PIGK: variants seen among roughly 807,000 people sequenced by gnomAD.
PIGK encodes the protein phosphatidylinositol glycan anchor biosynthesis class K.
A neutral mutation model predicts 50.6 loss-of-function variants in PIGK; 42 were observed. The observed-to-expected ratio is 0.83, with a 90% CI of 0.65 to 1.07. The LOEUF is 1.07. Ranked by LOEUF, PIGK falls within the 50% of genes least tolerant of loss-of-function variation. The pLI, the probability that PIGK is intolerant of heterozygous loss-of-function variation, is 0.00. For missense variants in PIGK, 448 were observed against 488.7 expected, an observed-to-expected ratio of 0.92 and a Z score of 0.78; for synonymous variants, 151 against 156.0, an observed-to-expected ratio of 0.97 and a Z score of 0.24.
At chr1:77,141,708 T>C (rs1654653502) in intron 9 of PIGK, among the ~76,000 whole-genome samples, 3 of 152,260 alleles carry the variant, frequency 2.0e-5, no homozygotes, top group Non-Finnish European at 2.9e-5. Context: ...AATTTATCTA[T>C]AACATCTGTA....
At chr1:77,115,590 A>G (rs540536808) in intron 10 of PIGK, among the ~76,000 whole-genome samples, 3 of 152,310 alleles carry the variant, frequency 2.0e-5, no homozygotes, top group Non-Finnish European at 4.4e-5. Context: ...ACTCCCAAAG[A>G]GCAACAACGG....
At chr1:77,215,295 C>T (rs1397937706) in intron 1 of PIGK, among the ~76,000 whole-genome samples, 1 of 152,006 alleles carries the variant, frequency 6.6e-6, no homozygotes, top group South Asian at 2.1e-4. Flanking sequence ...AAAAGACATA[C>T]AAATGGCCCA....
At chr1:77,205,904 A>G (rs1487666111) in intron 3 of PIGK, among the ~76,000 whole-genome samples, 7 of 152,168 alleles carry the variant, frequency 4.6e-5, no homozygotes, top group African/African-American at 1.7e-4. Context: ...GTCTTCATAT[A>G]AAGCAAAGCC....
intron 3 of PIGK, among the ~76,000 whole-genome samples, chr1:77,182,047 T>C (rs1022020256): frequency 5.3e-5 from 8 of 152,348 alleles, no homozygotes; most frequent in Admixed American, 5.2e-4. Flanking sequence ...GTACTCATAT[T>C]ATCAGAAATA....
chr1:77,206,041 C>T (rs928726769), intron 3 of PIGK, among the ~76,000 whole-genome samples: 1 of 152,036 alleles, frequency 6.6e-6, no homozygotes, highest in Non-Finnish European at 1.5e-5. Flanking sequence ...ATAAGAGAGA[C>T]AGTAAGAAGT....
At chr1:77,201,490 T>C (rs1434533488) in intron 3 of PIGK, among the ~76,000 whole-genome samples, 2 of 152,182 alleles carry the variant, frequency 1.3e-5, no homozygotes, top group African/African-American at 2.4e-5. Flanking sequence ...CTGGGCACAA[T>C]GGCTCAAGCC....
chr1:77,116,781 A>T (rs990372361), intron 10 of PIGK, among the ~76,000 whole-genome samples: 6 of 152,160 alleles, frequency 3.9e-5, no homozygotes, highest in Non-Finnish European at 8.8e-5. Context: ...AGCATAGTAC[A>T]GTCGAGTAAT....
At chr1:77,124,017 A>C (rs1237920740) in intron 9 of PIGK, among the ~76,000 whole-genome samples, 1 of 151,524 alleles carries the variant, frequency 6.6e-6, no homozygotes, top group Non-Finnish European at 1.5e-5. Flanking sequence ...AGATCACATG[A>C]AGACACTAGA....
chr1:77,109,829 T>G (rs1653794589), intron 10 of PIGK, among the ~76,000 whole-genome samples: 1 of 152,194 alleles, frequency 6.6e-6, no homozygotes, highest in Non-Finnish European at 1.5e-5. Context: ...TTGTCCCTGT[T>G]TGCAGATGAC....
intron 9 of PIGK, among the ~76,000 whole-genome samples, chr1:77,124,798 C>T (rs1654190550): frequency 6.6e-6 from 1 of 152,098 alleles, no homozygotes; most frequent in South Asian, 2.1e-4. Context: ...ATTAAGAATG[C>T]ATAAATACAA....
chr1:77,141,093 T>A (rs1159629906), intron 9 of PIGK, among the ~76,000 whole-genome samples: 2 of 152,100 alleles, frequency 1.3e-5, no homozygotes, highest in African/African-American at 4.8e-5. Flanking sequence ...TATAAAGAAA[T>A]AAACATTATA....
At chr1:77,219,255 G>T in intron 1 of PIGK, 55 bp downstream of exon 1, 2 of 1,418,546 alleles carry the variant, frequency 1.4e-6, no homozygotes, top group Non-Finnish European at 1.0e-6. Flanking sequence ...TCGGACATCT[G>T]CTGGAGGGCT....
At chr1:77,123,706 G>GA (rs1654157583) in intron 9 of PIGK, among the ~76,000 whole-genome samples, 1 of 152,094 alleles carries the variant, frequency 6.6e-6, no homozygotes, top group Non-Finnish European at 1.5e-5. Flanking sequence ...TCTGGAGATG[G>GA]ATGGGGGGAT....
At chr1:77,207,251 C>T (rs570877200) in intron 2 of PIGK, among the ~76,000 whole-genome samples, 8 of 152,256 alleles carry the variant, frequency 5.3e-5, no homozygotes, top group Non-Finnish European at 8.8e-5. Flanking sequence ...AACCATTCAG[C>T]TTAAGAGAAA....
Position 77,090,401 on chromosome 1 carries a change from T to A in PIGK, c.*1973A>T, listed in dbSNP as rs568409621. 1.3e-5 allele frequency: 2 copies of A among 152,370 alleles called. No homozygotes were observed. The highest frequency in any genetic ancestry group is 2.9e-5 in the Non-Finnish European group (2 of 68,030). The allele number at this position is 152,370 out of a possible 1,614,324, so 9.4% of individuals were successfully genotyped here. On this transcript the variant is annotated 3_prime_UTR_variant, in exon 11 of 11. Coordinates refer to ENST00000370812, the MANE Select transcript of PIGK (RefSeq NM_005482.3). ...TTTTAAGCTTTTGGCTTTAACTATA[T>A]TCTGAAGATTCAATAATGAAACAGA...
intron 3 of PIGK, chr1:77,195,298 G>T: frequency 7.5e-7 from 1 of 1,341,928 alleles, no homozygotes; most frequent in East Asian, 2.4e-5. Context: ...CAAAGGAGCA[G>T]GGAAGAAAGG....
chr1:77,138,583 C>T (rs1030382821), intron 9 of PIGK, among the ~76,000 whole-genome samples: 6 of 152,192 alleles, frequency 3.9e-5, no homozygotes, highest in Admixed American at 1.3e-4. Context: ...CCAACCTGTA[C>T]GCACACTTCC....
chr1:77,195,236 G>A lies in PIGK; in HGVS notation c.239+11404C>T, dbSNP rs532341059. The A allele has an allele frequency of 9.9e-5, 123 of 1,241,824 alleles. 1 individual carries two copies. In the East Asian group the frequency reaches 2.4e-3, roughly 24 times the overall value. The allele number at this position is 1,241,824 out of a possible 1,614,324, so 76.9% of individuals were successfully genotyped here. On this transcript the variant is annotated intron_variant, in intron 3 of 10. Coordinates refer to ENST00000370812, the MANE Select transcript of PIGK (RefSeq NM_005482.3). ...GCTGGACTTTTCTTACTGGCAGGGC[G>A]ACCTGCAGCTGTGGAGACCTTGGGG... is the stretch of plus-strand genomic sequence containing the variant.
chr1:77,158,400 T>C (rs949524624), intron 8 of PIGK, among the ~76,000 whole-genome samples: 5 of 151,992 alleles, frequency 3.3e-5, no homozygotes, highest in Non-Finnish European at 5.9e-5. Context: ...ATACAGTAAA[T>C]TGGTACCAGC....
Sources: allele counts gnomAD v4.1 joint callset (sites outside exome capture counted in the v4.1 genomes callset), GRCh38; gene constraint gnomAD v4.1.1; transcripts MANE v1.5; gene names NCBI Gene and HGNC (gene_info 2026-07-23, HGNC 2026-07-21).